The following PHLDB2 variants were observed in gnomAD, a reference collection of about 807,000 sequenced individuals.
PHLDB2 encodes pleckstrin homology-like domain family B member 2.
A neutral mutation model predicts 123.6 loss-of-function variants in PHLDB2; 71 were observed. The observed-to-expected ratio is 0.57, with a 90% CI of 0.47 to 0.70. The LOEUF (loss-of-function observed/expected upper bound fraction) is 0.70. PHLDB2 is among the 30% of genes least tolerant of loss of function. The pLI is 0.00. For synonymous variants in PHLDB2, 547 were observed against 541.6 expected, an observed-to-expected ratio of 1.01 and a Z score of -0.14; for missense variants, 1,446 against 1,519.5, an observed-to-expected ratio of 0.95 and a Z score of 0.80.
In PHLDB2 at chr3:111,881,447, T is replaced by C. The variant is rs78286858; in HGVS notation, c.-14-2617T>C. Among the ~76,000 whole-genome samples the C allele has an allele frequency of 7.4e-4, 113 of 152,306 alleles. 3 individuals carry two copies. In the East Asian group the frequency reaches 0.02, roughly 27 times the overall value. On this transcript the variant is annotated intron_variant, in intron 1 of 17. Coordinates refer to ENST00000431670, the MANE Select transcript of PHLDB2 (RefSeq NM_001134438.2). ...TAACTTATTACTGCAATATTAAATT[T>C]ATGGGAGAGATGAACTGCTCATGCA...
intron 4 of PHLDB2, 84 bp downstream of exon 4, chr3:111,919,299 G>T: frequency 4.2e-6 from 6 of 1,411,896 alleles, no homozygotes; most frequent in Non-Finnish European, 6.0e-6. Context: ...GGCTTTGGAG[G>T]CCAGATACAT....
chr3:111,873,025 A>G (rs891252644), intron 1 of PHLDB2, among the ~76,000 whole-genome samples: 5 of 152,332 alleles, frequency 3.3e-5, no homozygotes, highest in African/African-American at 4.8e-5. Flanking sequence ...AAACACGAAT[A>G]TCCCTTTAAA....
At chr3:111,799,516 G>A (rs1034469134) in intron 1 of PHLDB2, among the ~76,000 whole-genome samples, 8 of 152,116 alleles carry the variant, frequency 5.3e-5, no homozygotes, top group African/African-American at 1.7e-4. Flanking sequence ...TTGAAAGCTA[G>A]AAATACTTTA....
chr3:111,961,701 A>G (rs2071421639), intron 12 of PHLDB2, among the ~76,000 whole-genome samples: 1 of 152,182 alleles, frequency 6.6e-6, no homozygotes, highest in South Asian at 2.1e-4. Flanking sequence ...GTTGAATACC[A>G]TTGAAGAAGT....
chr3:111,756,851 C>G (rs1204099687), intron 1 of PHLDB2, among the ~76,000 whole-genome samples: 1 of 152,092 alleles, frequency 6.6e-6, no homozygotes, highest in African/African-American at 2.4e-5. Context: ...CTGGTGGTGA[C>G]AAAATCTCTC....
At position 111,968,734 on chromosome 3, in the gene PHLDB2, G is replaced by A. The variant is rs574471488; in HGVS notation, c.3315+910G>A. ...CAACCAAAGTACCACATAATCAAAC[G>A]TTAAGTATTGAAGGAAAAGTAGAAA... On this transcript the variant is annotated intron_variant, in intron 15 of 17. Coordinates refer to ENST00000431670, the MANE Select transcript of PHLDB2 (RefSeq NM_001134438.2). Among the ~76,000 whole-genome samples the A allele has an allele frequency of 1.5e-3, 226 of 152,250 alleles. 2 individuals are homozygous for A. Among genetic ancestry groups the A allele is most frequent in the African/African-American group, 5.1e-3 (213 of 41,524 alleles).
chr3:111,884,177 A>G lies in PHLDB2; in HGVS notation c.100A>G (p.Met34Val). Residue 34 changes from methionine to valine, a missense_variant, in exon 2 of 18, where the codon ATG (methionine) becomes GTG (valine). Physicochemically the swap from Met to Val is conservative, Grantham distance 21. This residue lies in a region of PHLDB2 where 832 missense variants were observed against 831.9 expected (regional missense o/e 1.00). Coordinates refer to ENST00000431670, the MANE Select transcript of PHLDB2 (RefSeq NM_001134438.2). ...VHSVENDSQNMMESLSPKKYS... is the reference protein window; with the variant it reads ...VHSVENDSQNVMESLSPKKYS... ...TTCTGTTGAGAACGATTCCCAAAAC[A>G]TGATGGAGAGCCTCAGCCCAAAGAA... The G allele has an allele frequency of 6.2e-7, 1 of 1,614,198 alleles. No individual in the cohort carries two copies. Among genetic ancestry groups the G allele is most frequent in the Non-Finnish European group, 8.5e-7 (1 of 1,180,028 alleles).
rs948277666 is a variant in PHLDB2, at chr3:111,975,753, T to C, written c.*1190T>C. ...AAGTGCCATTTATTCTAGTTTATCA[T>C]GTTTTGCATGTTTGAAAGTATGAAT... On this transcript the variant is annotated 3_prime_UTR_variant, in exon 18 of 18. Coordinates refer to ENST00000431670, the MANE Select transcript of PHLDB2 (RefSeq NM_001134438.2). 1 of 152,666 alleles carries C rather than the reference T, an allele frequency of 6.6e-6. No individual in the cohort carries two copies. Among genetic ancestry groups the C allele is most frequent in the Non-Finnish European group, 1.5e-5 (1 of 68,040 alleles). 9.5% of individuals were successfully genotyped at this position (152,666 alleles called of 1,614,324 possible).
At chr3:111,968,973 A>G (rs1417484015) in intron 15 of PHLDB2, among the ~76,000 whole-genome samples, 2 of 152,322 alleles carry the variant, frequency 1.3e-5, no homozygotes, top group South Asian at 2.1e-4. Flanking sequence ...ATAAGACACC[A>G]TTTTAGAACT....
chr3:111,928,406 A>G (rs2068929528), intron 5 of PHLDB2, among the ~76,000 whole-genome samples: 1 of 152,206 alleles, frequency 6.6e-6, no homozygotes, highest in Non-Finnish European at 1.5e-5. Flanking sequence ...CTGGCTGCAT[A>G]TCAGAAAACC....
intron 15 of PHLDB2, among the ~76,000 whole-genome samples, 196 bp downstream of exon 15, chr3:111,968,020 C>G (rs2071907716): frequency 6.9e-6 from 1 of 144,352 alleles, no homozygotes; most frequent in Admixed American, 6.9e-5. Flanking sequence ...TTTCAAAACT[C>G]TTAGGGAACC....
At position 111,834,209 on chromosome 3, in the gene PHLDB2, G is replaced by GTAATAGAATTATATA. The variant is rs1559858184; in HGVS notation, c.-48-11609_-48-11595dup. Among the ~76,000 whole-genome samples the GTAATAGAATTATATA allele has an allele frequency of 9.1e-4, 27 of 29,616 alleles. 3 individuals carry two copies. The highest frequency in any genetic ancestry group is 2.5e-3 in the African/African-American group (27 of 10,824). 19.4% of individuals were successfully genotyped at this position (29,616 alleles called of 152,430 possible). A position where few individuals can be genotyped will look rare whatever the true frequency, so the allele number is the denominator to read the frequency against. ...TTATATATGTAATAGAATTATATAT[G>GTAATAGAATTATATA]TAATAGAATTATATATATATTATGT... On this transcript the variant is annotated intron_variant, in intron 1 of 17. Coordinates refer to the PHLDB2 transcript ENST00000393923.
intron 5 of PHLDB2, among the ~76,000 whole-genome samples, chr3:111,923,987 G>T (rs2068672966): frequency 6.6e-6 from 1 of 152,094 alleles, no homozygotes; most frequent in Non-Finnish European, 1.5e-5. Flanking sequence ...AGTGTGATCT[G>T]TCACCAGCCT....
chr3:111,892,850 T>C (rs1489841933), intron 2 of PHLDB2, among the ~76,000 whole-genome samples: 1 of 152,216 alleles, frequency 6.6e-6, no homozygotes, highest in African/African-American at 2.4e-5. Context: ...CATATTTGTT[T>C]AAGGATTTTT....
chr3:111,947,557 A>C (rs536940605), intron 9 of PHLDB2, among the ~76,000 whole-genome samples: 1 of 152,170 alleles, frequency 6.6e-6, no homozygotes, highest in Admixed American at 6.6e-5. Flanking sequence ...TTTTGAAGCA[A>C]TTAATTAAAT....
intron 5 of PHLDB2, among the ~76,000 whole-genome samples, chr3:111,930,219 ATTTGAG>A (rs2069059956): frequency 6.6e-6 from 1 of 151,564 alleles, no homozygotes; most frequent in African/African-American, 2.4e-5. Flanking sequence ...TTAGTTGTTG[ATTTGAG>A]TTTATTATTA....
chr3:111,762,198 T>C (rs552914221), intron 1 of PHLDB2, among the ~76,000 whole-genome samples: 1 of 152,344 alleles, frequency 6.6e-6, no homozygotes, highest in African/African-American at 2.4e-5. Context: ...CTTACTTTTC[T>C]AAACTGCAGT....
intron 2 of PHLDB2, among the ~76,000 whole-genome samples, chr3:111,909,441 A>G (rs1485515593): frequency 1.3e-5 from 2 of 152,150 alleles, no homozygotes; most frequent in East Asian, 3.9e-4. Context: ...CTTCCAAAAA[A>G]TTAAAAAATT....
At chr3:111,822,186 G>T (rs2062419063) in intron 1 of PHLDB2, among the ~76,000 whole-genome samples, 1 of 151,822 alleles carries the variant, frequency 6.6e-6, no homozygotes, top group African/African-American at 2.4e-5. Context: ...AGAACCTGAG[G>T]TAGTATATTT....
Sources: allele counts gnomAD v4.1 joint callset (sites outside exome capture counted in the v4.1 genomes callset), GRCh38; gene constraint gnomAD v4.1.1; regional missense constraint gnomAD v4.1.1; transcripts MANE v1.5; gene names NCBI Gene and HGNC (gene_info 2026-07-23, HGNC 2026-07-21).